Variants in NHSL1 observed in about 807,000 individuals in gnomAD.
The protein encoded by NHSL1 is NHS like 1, also known as NHS-like protein 1.
In NHSL1, 48 loss-of-function variants were observed where a neutral mutation model predicts 95.0. The ratio of observed to expected loss-of-function variants is 0.51; its 90% CI spans 0.40 to 0.64. The LOEUF is 0.64. Among genes scored for constraint, NHSL1 ranks in the 30% least tolerant of loss-of-function variants. The probability of loss-of-function intolerance (pLI) is 0.00; values close to 1 mark genes in which losing one functional copy is unlikely to be tolerated. For missense variants in NHSL1, 1,971 were observed against 2,077.7 expected (o/e 0.95, Z 1.00); for synonymous variants, 783 against 833.9 (o/e 0.94, Z 1.05).
intron 2 of NHSL1, among the ~76,000 whole-genome samples, chr6:138,482,198 C>T (rs1779455776): frequency 6.6e-6 from 1 of 152,116 alleles, no homozygotes; most frequent in Non-Finnish European, 1.5e-5. Context: ...CCTGTAATCC[C>T]AACATTTGGG....
rs1490308950 is a variant in NHSL1, at chr6:138,424,235, G to T, written c.4667C>A (p.Ala1556Glu). ...GCCGCCCTCGTCCATCTCCTCCCTC[G>T]CCAGTCCGTCCAGGGAACATCCCTC... ...AAEGCSLDGLAREEMDEGGLL... is the reference protein window; with the variant it reads ...AAEGCSLDGLEREEMDEGGLL... Residue 1556 changes from alanine to glutamate, a missense_variant, in exon 8 of 8, where the codon GCG (alanine) becomes GAG (glutamate). By Grantham distance (107) the Ala-to-Glu change is moderately radical. Around this residue, in one of 3 missense-constraint regions of NHSL1, gnomAD observed 223 missense variants for 217.0 expected, o/e 1.03. Coordinates refer to ENST00000343505, the MANE Select transcript of NHSL1 (RefSeq NM_001144060.2). This position sits in a 1 kb window ranked among gnomAD's most constrained non-coding sequence, Gnocchi z 5.9. 6.6e-7 allele frequency: 1 copy of T among 1,506,358 alleles called. No homozygotes were observed. 93.3% of individuals were successfully genotyped at this position (1,506,358 alleles called of 1,614,324 possible).
upstream of NHSL1, chr6:138,545,740 G>C (rs1583391093): frequency 8.0e-7 from 1 of 1,247,570 alleles, no homozygotes; most frequent in Non-Finnish European, 1.0e-6. Flanking sequence ...CTCACTGCCA[G>C]AGAGCGGGGC....
At chr6:138,570,291 C>T (rs906047177) in intron 1 of NHSL1, among the ~76,000 whole-genome samples, 1 of 152,232 alleles carries the variant, frequency 6.6e-6, no homozygotes, top group Non-Finnish European at 1.5e-5. Flanking sequence ...TACCCTCCTG[C>T]GACCACAGCA....
Position 138,432,451 on chromosome 6 carries a change from G to A in NHSL1, c.1894C>T (p.Pro632Ser), listed in dbSNP as rs1562262615. 6.4e-7 allele frequency: 1 copy of A among 1,552,318 alleles called. No individual in the cohort carries two copies. The highest frequency in any genetic ancestry group is 8.7e-7 in the Non-Finnish European group (1 of 1,147,130). ...LCNSSDGFGN[P>S]RHSVINVFVG... ...AAAACATTGATCACGCTGTGCCTGG[G>A]GTTCCCAAAGCCATCACTGCTATTG... Residue 632 changes from proline to serine, a missense_variant, in exon 6 of 8, where the codon CCC (proline) becomes TCC (serine). Pro to Ser is a moderately conservative substitution (Grantham distance 74, BLOSUM62 -1). Coordinates refer to ENST00000343505, the MANE Select transcript of NHSL1 (RefSeq NM_001144060.2). The surrounding 1 kb of genome is among the most constrained non-coding windows in gnomAD (Gnocchi z 4.4).
intron 1 of NHSL1, among the ~76,000 whole-genome samples, chr6:138,640,798 A>G (rs1293936647): frequency 1.3e-5 from 2 of 151,982 alleles, no homozygotes; most frequent in African/African-American, 4.8e-5. Context: ...CCAGTTGTTC[A>G]AGGGTCAACT....
intron 1 of NHSL1, among the ~76,000 whole-genome samples, chr6:138,639,797 CAAAAAAAA>C (rs56909767): frequency 1.3e-4 from 3 of 22,586 alleles, no homozygotes; most frequent in South Asian, 2.1e-3. Flanking sequence ...GACTCAGTCT[CAAAAAAAA>C]AAAAAAAAAA....
At chr6:138,463,511 T>TA (rs1225810085) in intron 3 of NHSL1, among the ~76,000 whole-genome samples, 1 of 151,976 alleles carries the variant, frequency 6.6e-6, no homozygotes, top group Non-Finnish European at 1.5e-5. Context: ...GTTCTTTTTT[T>TA]TTTTTTTTTT....
intron 1 of NHSL1, among the ~76,000 whole-genome samples, chr6:138,558,465 C>T (rs1783284747): frequency 6.7e-6 from 1 of 149,010 alleles, no homozygotes; most frequent in Admixed American, 6.7e-5. Flanking sequence ...ACTCTGTCGC[C>T]CAGGCTGGAG....
Position 138,423,251 on chromosome 6 carries a change from T to C in NHSL1, c.*830A>G, listed in dbSNP as rs1380693435. ...ACTTACTCCTTTCCAACCCTTCCCC[T>C]CTCTCTATGTCCACACCATCACTTC... On this transcript the variant is annotated 3_prime_UTR_variant, in exon 8 of 8. Transcript: ENST00000343505. 6.6e-6 allele frequency: 1 copy of C among 152,074 alleles called. No individual in the cohort carries two copies. Among genetic ancestry groups the C allele is most frequent in the Non-Finnish European group, 1.5e-5 (1 of 68,000 alleles). The allele number at this position is 152,074 out of a possible 1,614,324, so 9.4% of individuals were successfully genotyped here. A position where few individuals can be genotyped will look rare whatever the true frequency, so the allele number is the denominator to read the frequency against.
At position 138,431,482 on chromosome 6, in the gene NHSL1, G is replaced by A. The variant is rs1414899823; in HGVS notation, c.2863C>T (p.Pro955Ser). The A allele has an allele frequency of 1.3e-6, 2 of 1,551,176 alleles. No individual in the cohort carries two copies. Among genetic ancestry groups the A allele is most frequent in the African/African-American group, 1.4e-5 (1 of 72,944 alleles). ...GAGCCCTGGGAGCAATCTGTGACAGGAGGTGGGGGAGGAAGGAAAGGAGAC... is the reference window on the plus strand; with the variant it reads ...GAGCCCTGGGAGCAATCTGTGACAGAAGGTGGGGGAGGAAGGAAAGGAGAC... ...DRSPFLPPPP[P>S]VTDCSQGSPL... Residue 955 changes from proline (P) to serine (S), a missense_variant, in exon 6 of 8, where the codon CCT becomes TCT. Coordinates refer to ENST00000343505, the MANE Select transcript of NHSL1 (RefSeq NM_001144060.2). The surrounding 1 kb of genome is among the most constrained non-coding windows in gnomAD (Gnocchi z 4.0).
At chr6:138,622,841 G>T (rs1784683518) in intron 1 of NHSL1, among the ~76,000 whole-genome samples, 3 of 152,176 alleles carry the variant, frequency 2.0e-5, no homozygotes, top group Non-Finnish European at 1.5e-5. Flanking sequence ...CTCCCAAGGG[G>T]TTCACATTTT....
intron 1 of NHSL1, among the ~76,000 whole-genome samples, chr6:138,660,299 G>C (rs1022053694): frequency 6.6e-6 from 1 of 152,044 alleles, no homozygotes; most frequent in Admixed American, 6.6e-5. Context: ...CTAAGGTGTG[G>C]GATCTATTAC....
chr6:138,589,595 C>T lies in NHSL1; in HGVS notation c.97-93224G>A, dbSNP rs1416172219. ...AGGGTCGCCTGTGACAGTCTCTCTA[C>T]CTGTACCCTCCCCAGCCTCCTTTTA... On this transcript the variant is annotated intron_variant, in intron 1 of 3. Coordinates refer to the NHSL1 transcript ENST00000491526. Among the ~76,000 whole-genome samples, 5 of 152,220 alleles carry T rather than the reference C, an allele frequency of 3.3e-5. No individual in the cohort carries two copies. In the East Asian group the frequency reaches 5.8e-4, roughly 18 times the overall value.
chr6:138,667,945 G>C (rs372743482), intron 1 of NHSL1, among the ~76,000 whole-genome samples: 1 of 152,186 alleles, frequency 6.6e-6, no homozygotes, highest in East Asian at 1.9e-4. Flanking sequence ...ATTTTATACA[G>C]TTCTATAATT....
chr6:138,543,552 T>C (rs74551391), intron 1 of NHSL1, among the ~76,000 whole-genome samples: 336 of 152,340 alleles, frequency 2.2e-3, no homozygotes, highest in African/African-American at 7.6e-3. Context: ...CACAGGAACA[T>C]GATTTAAACC....
intron 7 of NHSL1, among the ~76,000 whole-genome samples, chr6:138,428,467 G>A (rs1452286854): frequency 2.6e-5 from 4 of 152,202 alleles, no homozygotes; most frequent in Non-Finnish European, 5.9e-5. Context: ...TGGACAACCA[G>A]CTACCTTTTC....
rs1414367252 is a variant in NHSL1 at position 138,430,127 on chromosome 6, T to C, written c.3952+266A>G. 6.6e-6 allele frequency among the ~76,000 whole-genome samples: 1 copy of C among 152,198 alleles called. No homozygotes were observed. Among genetic ancestry groups the C allele is most frequent in the East Asian group, 1.9e-4 (1 of 5,194 alleles). On this transcript the variant is annotated intron_variant, in intron 6 of 7. Coordinates refer to ENST00000343505, the MANE Select transcript of NHSL1 (RefSeq NM_001144060.2). This position sits in a 1 kb window ranked among gnomAD's most constrained non-coding sequence, Gnocchi z 4.7. ...TCTTCGGAAGGGAGGTGTTACCCAT[T>C]GCTATTTAATACCCAGCCTGCTGCA... is the stretch of plus-strand genomic sequence containing the variant.
intron 1 of NHSL1, among the ~76,000 whole-genome samples, chr6:138,601,647 A>C (rs1273091008): frequency 1.3e-5 from 2 of 152,090 alleles, no homozygotes; most frequent in African/African-American, 2.4e-5. Context: ...CCCTGTCTCT[A>C]CTAAAAAAGC....
intron 3 of NHSL1, 39 bp from the exon 4 acceptor site, chr6:138,447,232 G>C: frequency 4.1e-6 from 6 of 1,454,530 alleles, no homozygotes; most frequent in Non-Finnish European, 5.6e-6. Flanking sequence ...AGTGTATAAA[G>C]AGCTGGCAGA....
Sources: gnomAD v4.1 joint callset for allele counts (sites outside exome capture counted in the v4.1 genomes callset) on GRCh38, gnomAD v4.1.1 for gene constraint, gnomAD v4.1.1 regional missense constraint, Gnocchi (gnomAD v3.1) non-coding constraint, MANE v1.5 for transcripts, NCBI Gene and HGNC (gene_info 2026-07-23, HGNC 2026-07-21) for gene names.